SAMD5: variants seen among roughly 807,000 people sequenced by gnomAD.
SAMD5 encodes sterile alpha motif domain-containing protein 5.
A neutral mutation model predicts 11.3 loss-of-function variants in SAMD5; 13 were observed. The observed-to-expected ratio is 1.15, with a 90% CI of 0.75 to 1.83. The LOEUF (loss-of-function observed/expected upper bound fraction) is 1.83. Among genes scored for constraint, SAMD5 ranks in the 40% most tolerant of loss-of-function variants. The probability of loss-of-function intolerance (pLI) is 0.00; values close to 1 mark genes in which losing one functional copy is unlikely to be tolerated. For missense variants in SAMD5, 255 were observed against 239.1 expected (o/e 1.07, Z -0.44); for synonymous variants, 129 against 111.3 (o/e 1.16, Z -1.00).
At chr6:147,825,845 T>G in the SAMD5 span, among the ~76,000 whole-genome samples, 1 of 152,336 alleles carries the variant, frequency 6.6e-6, no homozygotes, top group East Asian at 1.9e-4. Flanking sequence ...CAAACTCTGT[T>G]TATATAAGCT....
the SAMD5 span, among the ~76,000 whole-genome samples, chr6:147,843,438 A>C: frequency 1.3e-5 from 2 of 152,218 alleles, no homozygotes; most frequent in African/African-American, 2.4e-5. Context: ...CTGCAAATTC[A>C]GTGCAATTCC....
At chr6:147,951,189 CTTTT>C in the SAMD5 span, among the ~76,000 whole-genome samples, 1 of 146,408 alleles carries the variant, frequency 6.8e-6, no homozygotes, top group Admixed American at 6.8e-5. Flanking sequence ...TTCTTTCTTT[CTTTT>C]TTTTTTTATG....
At position 147,508,922 on chromosome 6, in the gene SAMD5, T is replaced by G. The variant is rs1386451896; in HGVS notation, c.-7T>G. 2 of 1,588,416 alleles carry G rather than the reference T, an allele frequency of 1.3e-6. No individual in the cohort carries two copies. Among genetic ancestry groups the G allele is most frequent in the Admixed American group, 3.5e-5 (2 of 56,558 alleles). The stretch of plus-strand genomic sequence containing the variant: ...AGGTGCTCGGCGGCGGGGTTCCCGG[T>G]CCCACCATGTGCACCAACATAGTTT... On this transcript the variant is annotated 5_prime_UTR_variant, in exon 1 of 2. Coordinates refer to ENST00000367474, the MANE Select transcript of SAMD5 (RefSeq NM_001030060.3).
the SAMD5 span, among the ~76,000 whole-genome samples, chr6:147,874,841 A>G: frequency 1.8e-4 from 27 of 152,046 alleles, no homozygotes; most frequent in South Asian, 5.2e-3. Context: ...ATGATTGTAC[A>G]TGTTTATAGT....
At chr6:147,532,801 C>A (rs1416619602) in intron 1 of SAMD5, among the ~76,000 whole-genome samples, 2 of 152,136 alleles carry the variant, frequency 1.3e-5, no homozygotes, top group Admixed American at 6.5e-5. Context: ...TCTACATAGC[C>A]TTTCTATCAG....
At chr6:147,726,094 A>G (rs1791623092) in intron 1 of SAMD5, among the ~76,000 whole-genome samples, 2 of 152,240 alleles carry the variant, frequency 1.3e-5, no homozygotes, top group African/African-American at 4.8e-5. Context: ...CAACCCTACA[A>G]CACATATTTG....
chr6:147,764,953 GAAT>G, the SAMD5 span, among the ~76,000 whole-genome samples: 1 of 151,976 alleles, frequency 6.6e-6, no homozygotes, highest in African/African-American at 2.4e-5. Flanking sequence ...AGTTTTCACA[GAAT>G]AATAACATTT....
At position 147,509,361 on chromosome 6, in the gene SAMD5, C is replaced by G; in HGVS notation, c.433C>G (p.Leu145Val). The change falls in exon 1 of 2, where the codon CTG becomes GTG. Residue 145 changes from leucine (L) to valine (V), a missense_variant. Leu to Val is a conservative substitution (Grantham distance 32). Transcript: ENST00000367474. ...RDKLVRDGIH[L>V]SKPPYSRKVP... Reference sequence around the variant, plus strand: ...TAAGCTCGTCCGTGACGGCATCCACCTGAGCAAGCCCCCGTACTCCCGCAA... The same window carrying G: ...TAAGCTCGTCCGTGACGGCATCCACGTGAGCAAGCCCCCGTACTCCCGCAA... 1.3e-6 allele frequency: 2 copies of G among 1,570,724 alleles called. No homozygotes were observed. Among genetic ancestry groups the G allele is most frequent in the Non-Finnish European group, 1.7e-6 (2 of 1,160,088 alleles).
chr6:147,922,054 C>A, the SAMD5 span, among the ~76,000 whole-genome samples: 1 of 152,130 alleles, frequency 6.6e-6, no homozygotes, highest in Non-Finnish European at 1.5e-5. Flanking sequence ...CAACTCAATT[C>A]TTTTTTGCTT....
intron 1 of SAMD5, among the ~76,000 whole-genome samples, chr6:147,716,115 A>G (rs1304906771): frequency 6.6e-6 from 1 of 152,106 alleles, no homozygotes; most frequent in African/African-American, 2.4e-5. Context: ...TCCTGCCGCC[A>G]TTCATGGCAC....
Position 147,624,233 on chromosome 6 carries a change from T to C in SAMD5, c.163-113084T>C, listed in dbSNP as rs534479592. Among the ~76,000 whole-genome samples the C allele has an allele frequency of 9.9e-5, 15 of 152,272 alleles. 1 individual carries two copies. The highest frequency in any genetic ancestry group is 9.2e-4 in the Admixed American group (14 of 15,300). On this transcript the variant is annotated intron_variant, in intron 1 of 1. Coordinates refer to the SAMD5 transcript ENST00000566741. ...TAGAAACCCCAGTTAGGCTTGTAAC[T>C]AACTTAACAGTGGAGTGTGCTCAGA...
At chr6:147,690,173 A>G (rs998487208) in intron 1 of SAMD5, among the ~76,000 whole-genome samples, 1 of 152,202 alleles carries the variant, frequency 6.6e-6, no homozygotes, top group Non-Finnish European at 1.5e-5. Flanking sequence ...AAATTAGGAT[A>G]TCTATTTTTA....
chr6:147,879,633 A>G, the SAMD5 span, among the ~76,000 whole-genome samples: 1 of 152,234 alleles, frequency 6.6e-6, no homozygotes, highest in Non-Finnish European at 1.5e-5. Context: ...TCTGATCGAA[A>G]TGCTATTATT....
the SAMD5 span, among the ~76,000 whole-genome samples, chr6:147,834,507 G>T: frequency 6.6e-6 from 1 of 152,192 alleles, no homozygotes. Flanking sequence ...GGAAGAGCCT[G>T]AGTGATTAGG....
chr6:147,604,759 G>A (rs1583103416), intron 1 of SAMD5, among the ~76,000 whole-genome samples: 1 of 152,200 alleles, frequency 6.6e-6, no homozygotes, highest in Non-Finnish European at 1.5e-5. Context: ...CTACGTAATT[G>A]CCTTAATGAT....
At chr6:147,520,376 T>C (rs571130961) in intron 1 of SAMD5, among the ~76,000 whole-genome samples, 6 of 152,314 alleles carry the variant, frequency 3.9e-5, no homozygotes, top group Admixed American at 1.3e-4. Flanking sequence ...CTGCCTGGCC[T>C]CCCAAAGTGC....
At chr6:147,898,325 T>A in the SAMD5 span, among the ~76,000 whole-genome samples, 40,411 of 152,182 alleles carry the variant, frequency 0.27, 5,589 homozygotes, top group Non-Finnish European at 0.29. Context: ...CTCAGTGAGC[T>A]ACCAGTGAAT....
At chr6:147,900,547 G>C in the SAMD5 span, among the ~76,000 whole-genome samples, 1 of 152,214 alleles carries the variant, frequency 6.6e-6, no homozygotes, top group Non-Finnish European at 1.5e-5. Flanking sequence ...GGAGACAGGA[G>C]GCTAATGTGT....
chr6:147,822,204 C>A, the SAMD5 span, among the ~76,000 whole-genome samples: 2 of 152,146 alleles, frequency 1.3e-5, no homozygotes, highest in African/African-American at 4.8e-5. Context: ...GATGTTTTGT[C>A]CAAACTGGTG....
Sources: allele counts gnomAD v4.1 joint callset (sites outside exome capture counted in the v4.1 genomes callset), GRCh38; gene constraint gnomAD v4.1.1; transcripts MANE v1.5; gene names NCBI Gene and HGNC (gene_info 2026-07-23, HGNC 2026-07-21).